The following HNRNPK variants were observed in gnomAD, a reference collection of about 807,000 sequenced individuals.
HNRNPK encodes the protein heterogeneous nuclear ribonucleoprotein K, also known as dC-stretch binding protein.
In HNRNPK, 7 loss-of-function variants were observed where a neutral mutation model predicts 67.0. The ratio of observed to expected loss-of-function variants is 0.10; its 90% CI spans 0.06 to 0.20. The LOEUF (loss-of-function observed/expected upper bound fraction) is 0.20. Among genes scored for constraint, HNRNPK ranks in the 10% least tolerant of loss-of-function variants. HNRNPK has a pLI of 1.00. For missense variants in HNRNPK, 264 were observed against 606.5 expected, an observed-to-expected ratio of 0.44 and a Z score of 5.93; for synonymous variants, 213 against 193.7, an observed-to-expected ratio of 1.10 and a Z score of -0.83.
rs371386785 is a variant in HNRNPK at position 83,970,728 on chromosome 9, G to A, written c.1191+9C>T. On this transcript the variant is annotated intron_variant, in intron 15 of 16. Coordinates refer to ENST00000376263, the MANE Select transcript of HNRNPK (RefSeq NM_031263.4). ...ATAAAATGTTCCTGGTAGTATTAAA[G>A]ATACTTACATCTTTGGGAATAGTTA... 69 of 1,466,154 alleles carry A rather than the reference G, an allele frequency of 4.7e-5. No homozygotes were observed. Among genetic ancestry groups the A allele is most frequent in the Non-Finnish European group, 6.2e-5 (65 of 1,048,734 alleles). The allele number at this position is 1,466,154 out of a possible 1,614,324, so 90.8% of individuals were successfully genotyped here.
intron 13 of HNRNPK, 140 bp downstream of exon 13, chr9:83,971,111 TATTCAAGTATTTTAATCTCATA>T: frequency 1.4e-6 from 1 of 737,122 alleles, no homozygotes; most frequent in South Asian, 1.6e-5. Context: ...CCAGCTTCAC[TATTCAAGTATTTTAATCTCATA>T]AAATCCCTCT....
At chr9:83,973,826 C>T (rs1956958129) in intron 8 of HNRNPK, 76 bp downstream of exon 8, 3 of 1,097,768 alleles carry the variant, frequency 2.7e-6, no homozygotes, top group South Asian at 1.3e-5. Flanking sequence ...GGGAAAAGCA[C>T]ACTATGTTAA....
intron 1 of HNRNPK, among the ~76,000 whole-genome samples, chr9:83,979,226 A>G (rs755180928): frequency 1.3e-5 from 2 of 152,194 alleles, no homozygotes; most frequent in African/African-American, 4.8e-5. Flanking sequence ...GCTAGACAGC[A>G]AAGAGCCAAC....
Position 83,972,206 on chromosome 9 carries a change from A to G in HNRNPK, c.646-17T>C. 1 of 1,561,794 alleles carries G rather than the reference A, an allele frequency of 6.4e-7. No homozygotes were observed. The highest frequency in any genetic ancestry group is 2.3e-5 in the East Asian group (1 of 44,376). Reference sequence around the variant, plus strand: ...GATGGGAGACTAAAAACAGAGATGGAACAAACTTACAGACTGAAGAAAAAG... The same window carrying G: ...GATGGGAGACTAAAAACAGAGATGGGACAAACTTACAGACTGAAGAAAAAG... On this transcript the variant is annotated splice_polypyrimidine_tract_variant and intron_variant, in intron 10 of 16. Coordinates refer to ENST00000376263, the MANE Select transcript of HNRNPK (RefSeq NM_031263.4).
intron 8 of HNRNPK, 73 bp downstream of exon 8, chr9:83,973,829 T>C (rs1481702300): frequency 5.3e-6 from 6 of 1,122,664 alleles, no homozygotes; most frequent in Non-Finnish European, 8.1e-6. Flanking sequence ...AAAAGCACAC[T>C]ATGTTAAAAA....
At position 83,979,919 on chromosome 9, in the gene HNRNPK, C is replaced by A. The variant is rs546186735; in HGVS notation, c.-108+234G>T. On this transcript the variant is annotated intron_variant, in intron 1 of 16. Coordinates refer to ENST00000376263, the MANE Select transcript of HNRNPK (RefSeq NM_031263.4). Reference sequence around the variant, plus strand: ...CCCTAGTTCCCAGTGCCACATAGCTCCAGCTCATCCTAGAGGCACATGCCT... The same window carrying A: ...CCCTAGTTCCCAGTGCCACATAGCTACAGCTCATCCTAGAGGCACATGCCT... Among the ~76,000 whole-genome samples the A allele has an allele frequency of 1.5e-4, 23 of 152,316 alleles. No individual in the cohort carries two copies. The South Asian group carries it at 4.6e-3, about 30-fold the overall frequency.
In HNRNPK at chr9:83,977,559, C is replaced by CT. The variant is rs1260203122; in HGVS notation, c.156+129dup. 6 of 590,742 alleles carry CT rather than the reference C, an allele frequency of 1.0e-5. No homozygotes were observed. In the East Asian group the frequency reaches 1.8e-4, roughly 17 times the overall value. 36.6% of individuals were successfully genotyped at this position (590,742 alleles called of 1,614,324 possible). On this transcript the variant is annotated intron_variant, in intron 4 of 16. Transcript: ENST00000376263. The stretch of plus-strand genomic sequence containing the variant: ...AAGAAAACCACCAGAGCCTTCAAGT[C>CT]TGTTTAGAAAGAACCAAATGTTTTA...
chr9:83,970,454 C>G, intron 15 of HNRNPK, 123 bp from the exon 16 acceptor site: 2 of 768,950 alleles, frequency 2.6e-6, no homozygotes, highest in Non-Finnish European at 4.1e-6. Flanking sequence ...ATCTAACGCT[C>G]CCTAAACCTG....
chr9:83,972,515 G>C (rs549032553), intron 10 of HNRNPK, among the ~76,000 whole-genome samples: 1 of 152,092 alleles, frequency 6.6e-6, no homozygotes, highest in African/African-American at 2.4e-5. Context: ...TCACAACAAG[G>C]GCTGAAGAGA....
chr9:83,969,268 A>G lies in HNRNPK; in HGVS notation c.*139T>C, dbSNP rs1249581593. 2.7e-6 allele frequency: 2 copies of G among 738,524 alleles called. No individual in the cohort carries two copies. Among genetic ancestry groups the G allele is most frequent in the Non-Finnish European group, 4.9e-6 (2 of 408,788 alleles). The allele number at this position is 738,524 out of a possible 1,614,324, so 45.7% of individuals were successfully genotyped here. A position where few individuals can be genotyped will look rare whatever the true frequency, so the allele number is the denominator to read the frequency against. On this transcript the variant is annotated 3_prime_UTR_variant, in exon 17 of 17. Coordinates refer to ENST00000376263, the MANE Select transcript of HNRNPK (RefSeq NM_031263.4). Reference sequence around the variant, plus strand: ...ACTACACCTCAAATGCAGAACACCTATGAAGCAGAGGAATGTTGGCTTTTT... The same window carrying G: ...ACTACACCTCAAATGCAGAACACCTGTGAAGCAGAGGAATGTTGGCTTTTT...
At position 83,971,218 on chromosome 9, in the gene HNRNPK, A is replaced by C. The variant is rs780503756; in HGVS notation, c.1092+55T>G. 2.6e-6 allele frequency: 3 copies of C among 1,148,854 alleles called. No homozygotes were observed. The Admixed American group carries it at 5.1e-5, about 19-fold the overall frequency. 71.2% of individuals were successfully genotyped at this position (1,148,854 alleles called of 1,614,324 possible). A position where few individuals can be genotyped will look rare whatever the true frequency, so the allele number is the denominator to read the frequency against. ...GGGAATAAAAAACTTACTGGAGAGC[A>C]GGTAAGCATCTTAAATTATCACTGA... On this transcript the variant is annotated intron_variant, in intron 13 of 16. Transcript: ENST00000376263.
At position 83,969,906 on chromosome 9, in the gene HNRNPK, T is replaced by C. The variant is rs77476256; in HGVS notation, c.1361+256A>G. ...GCTCTGTACAATTTTTAACAAGTGG[T>C]TTTGGCAGCAGTTTTCACCAGAGAA... On this transcript the variant is annotated intron_variant, in intron 16 of 16. Coordinates refer to ENST00000376263, the MANE Select transcript of HNRNPK (RefSeq NM_031263.4). 4 of 620,642 alleles carry C rather than the reference T, an allele frequency of 6.4e-6. No individual in the cohort carries two copies. In the East Asian group the frequency reaches 1.4e-4, roughly 22 times the overall value. The allele number at this position is 620,642 out of a possible 1,614,324, so 38.4% of individuals were successfully genotyped here. A position where few individuals can be genotyped will look rare whatever the true frequency, so the allele number is the denominator to read the frequency against.
intron 5 of HNRNPK, 189 bp downstream of exon 5, chr9:83,976,806 C>A (rs189405737): frequency 4.0e-5 from 18 of 444,542 alleles, no homozygotes; most frequent in Middle Eastern, 5.9e-4. Flanking sequence ...ACCACCCCCC[C>A]ACCCTGCTCA....
Position 83,969,151 on chromosome 9 carries a change from A to G in HNRNPK, c.*256T>C. ...ATCCACTCACTCTGCTGCTGTTTCA[A>G]AATTTCAATGTTAGTTTTTGCACGC... On this transcript the variant is annotated 3_prime_UTR_variant, in exon 17 of 17. Transcript: ENST00000376263. The G allele has an allele frequency of 1.9e-6, 1 of 522,020 alleles. No homozygotes were observed. Among genetic ancestry groups the G allele is most frequent in the Non-Finnish European group, 3.4e-6 (1 of 292,872 alleles). 32.3% of individuals were successfully genotyped at this position (522,020 alleles called of 1,614,324 possible). A position where few individuals can be genotyped will look rare whatever the true frequency, so the allele number is the denominator to read the frequency against.
chr9:83,969,947 G>A, intron 16 of HNRNPK: 1 of 651,782 alleles, frequency 1.5e-6, no homozygotes. Context: ...AAGTTTGCTT[G>A]GTTAAGGCTT....
chr9:83,972,328 T>A (rs1956886425), intron 10 of HNRNPK, 139 bp from the exon 11 acceptor site: 13 of 651,218 alleles, frequency 2.0e-5, no homozygotes, highest in Non-Finnish European at 3.1e-5. Context: ...AGGAATTATG[T>A]CAACGCTAAA....
In HNRNPK at chr9:83,971,302, A is replaced by C. The variant is rs1564060247; in HGVS notation, c.1063T>G (p.Ser355Ala). 6.2e-7 allele frequency: 1 copy of C among 1,612,100 alleles called. No individual in the cohort carries two copies. Among genetic ancestry groups the C allele is most frequent in the Non-Finnish European group, 8.5e-7 (1 of 1,178,174 alleles). The change falls in exon 13 of 17, where the codon TCA becomes GCA. Residue 355 changes from serine to alanine, a missense_variant. Around this residue, in one of 6 missense-constraint regions of HNRNPK, gnomAD observed 142 missense variants for 256.5 expected, o/e 0.55. Coordinates refer to ENST00000376263, the MANE Select transcript of HNRNPK (RefSeq NM_031263.4). Reference protein sequence around the residue: ...WDSAIDTWSPSEWQMAYEPQG... With the variant: ...WDSAIDTWSPAEWQMAYEPQG... ...GGTTCATAAGCCATCTGCCATTCTG[A>C]TGGGCTCCATGTATCTATTGCAGAG...
intron 13 of HNRNPK, 72 bp from the exon 14 acceptor site, chr9:83,970,984 AT>A: frequency 2.1e-6 from 3 of 1,446,284 alleles, no homozygotes; most frequent in Non-Finnish European, 2.9e-6. Flanking sequence ...AAAAAAATTC[AT>A]TTAATAAAAT....
At chr9:83,972,733 A>G (rs1293968022) in intron 10 of HNRNPK, 111 bp downstream of exon 10, 7 of 724,530 alleles carry the variant, frequency 9.7e-6, no homozygotes, top group Non-Finnish European at 1.5e-5. Flanking sequence ...GAAAATTGCT[A>G]GGGAAAGGGC....
Sources: allele counts gnomAD v4.1 joint callset (sites outside exome capture counted in the v4.1 genomes callset), GRCh38; gene constraint gnomAD v4.1.1; regional missense constraint gnomAD v4.1.1; transcripts MANE v1.5; gene names NCBI Gene and HGNC (gene_info 2026-07-23, HGNC 2026-07-21).